The following CPNE5 variants were observed in gnomAD, a reference collection of about 807,000 sequenced individuals.
CPNE5 encodes copine-5.
Under a neutral mutation model 81.1 loss-of-function variants are expected in CPNE5, and 42 were observed. The ratio of observed to expected loss-of-function variants is 0.52; its 90% confidence interval spans 0.40 to 0.67. CPNE5 has a LOEUF of 0.67. Ranked by LOEUF, CPNE5 falls within the 30% of genes least tolerant of loss-of-function variation. The pLI is 0.00. For missense variants in CPNE5, 612 were observed against 815.5 expected, an observed-to-expected ratio of 0.75 and a Z score of 3.04; for synonymous variants, 313 against 321.5, an observed-to-expected ratio of 0.97 and a Z score of 0.28.
intron 1 of CPNE5, among the ~76,000 whole-genome samples, chr6:36,825,048 GC>G (rs1260921721): frequency 1.3e-5 from 2 of 152,154 alleles, no homozygotes; most frequent in Non-Finnish European, 2.9e-5. Context: ...CCAGGGAGAG[GC>G]AAAGGGCGAC....
intron 3 of CPNE5, among the ~76,000 whole-genome samples, chr6:36,804,866 G>A (rs968523702): frequency 1.3e-5 from 2 of 152,184 alleles, no homozygotes; most frequent in African/African-American, 4.8e-5. Flanking sequence ...CAGGAAAGGG[G>A]GCACATGAGC....
At position 36,823,344 on chromosome 6, in the gene CPNE5, C is replaced by T. The variant is rs575971738; in HGVS notation, c.96-246G>A. ...ACCCCTATCATCACCACAAGCACTC[C>T]GGGTAGGTGCCCTGGTCTTGGTGCC... On this transcript the variant is annotated intron_variant, in intron 1 of 20. Coordinates refer to ENST00000244751, the MANE Select transcript of CPNE5 (RefSeq NM_020939.2). Among the ~76,000 whole-genome samples the T allele has an allele frequency of 3.5e-4, 54 of 152,300 alleles. No homozygotes were observed. In the South Asian group the frequency reaches 3.7e-3, roughly 11 times the overall value.
At chr6:36,776,393 G>A (rs1767504278) in intron 9 of CPNE5, among the ~76,000 whole-genome samples, 1 of 152,220 alleles carries the variant, frequency 6.6e-6, no homozygotes. Context: ...GGAGTGTGGA[G>A]ATGCATGTGG....
upstream of CPNE5, chr6:36,839,754 T>A (rs1773855260): frequency 5.3e-6 from 1 of 187,296 alleles, no homozygotes; most frequent in African/African-American, 2.5e-5. The surrounding 1 kb of genome is among the most constrained non-coding windows in gnomAD (Gnocchi z 7.3). Context: ...GACGCGCGTC[T>A]GTGGGCAGAG....
At chr6:36,822,965 G>T in intron 2 of CPNE5, 93 bp downstream of exon 2, 1 of 1,071,950 alleles carries the variant, frequency 9.3e-7, no homozygotes, top group South Asian at 2.1e-5. Flanking sequence ...CTGGCACATG[G>T]TTAGTGCTCA....
chr6:36,790,090 CAG>C (rs1435737900), intron 8 of CPNE5, among the ~76,000 whole-genome samples: 1 of 152,190 alleles, frequency 6.6e-6, no homozygotes, highest in Non-Finnish European at 1.5e-5. Flanking sequence ...CTCTTCTACT[CAG>C]TGGCTGTGTG....
chr6:36,756,818 C>A (rs1224329141), intron 12 of CPNE5, among the ~76,000 whole-genome samples: 1 of 152,188 alleles, frequency 6.6e-6, no homozygotes, highest in Non-Finnish European at 1.5e-5. Context: ...TTTAGCTATT[C>A]TTTGAGTGTA....
chr6:36,804,536 T>TA (rs1365553063), intron 3 of CPNE5, among the ~76,000 whole-genome samples: 1 of 152,218 alleles, frequency 6.6e-6, no homozygotes, highest in East Asian at 1.9e-4. Flanking sequence ...GGAAGGGACT[T>TA]ACTTCCTTTC....
chr6:36,812,608 T>C (rs557460457), intron 3 of CPNE5, among the ~76,000 whole-genome samples: 6 of 152,316 alleles, frequency 3.9e-5, no homozygotes, highest in African/African-American at 9.6e-5. Context: ...AGCACCTCAC[T>C]GTGTCAAAGC....
At chr6:36,772,660 T>C (rs1428260528) in intron 10 of CPNE5, among the ~76,000 whole-genome samples, 1 of 152,190 alleles carries the variant, frequency 6.6e-6, no homozygotes, top group Non-Finnish European at 1.5e-5. Flanking sequence ...GTGGCTCTTC[T>C]GTCCCAGCCA....
chr6:36,826,680 G>C (rs2150600975), intron 1 of CPNE5, among the ~76,000 whole-genome samples: 1 of 152,306 alleles, frequency 6.6e-6, no homozygotes, highest in South Asian at 2.1e-4. Context: ...TAGTGGCCTG[G>C]CAAGCTGGAT....
intron 11 of CPNE5, among the ~76,000 whole-genome samples, chr6:36,764,754 A>G (rs1415223495): frequency 1.3e-5 from 2 of 151,866 alleles, no homozygotes; most frequent in African/African-American, 4.8e-5. Context: ...CCATGAGTCC[A>G]CTCACGCCTC....
chr6:36,778,958 C>T lies in CPNE5; in HGVS notation c.529-1G>A. On this transcript the variant is annotated splice_acceptor_variant, in intron 8 of 20. Transcript: ENST00000244751. LOFTEE classifies it high-confidence loss of function. ...CACAGAACTGCATGGTGGCGACATC[C>T]TGGTGGGAGGGAGGGAGAACGGGGT... 6.3e-7 allele frequency: 1 copy of T among 1,587,774 alleles called. No homozygotes were observed. Among genetic ancestry groups the T allele is most frequent in the Non-Finnish European group, 8.6e-7 (1 of 1,157,592 alleles).
chr6:36,836,158 A>C (rs940655609), intron 1 of CPNE5, among the ~76,000 whole-genome samples: 3 of 152,206 alleles, frequency 2.0e-5, no homozygotes, highest in Non-Finnish European at 2.9e-5. Context: ...AGTCAGTAAA[A>C]ATAATTGTTT....
Position 36,744,342 on chromosome 6 carries a change from G to T in CPNE5, c.1432-17C>A. On this transcript the variant is annotated splice_polypyrimidine_tract_variant and intron_variant, in intron 18 of 20. Coordinates refer to ENST00000244751, the MANE Select transcript of CPNE5 (RefSeq NM_020939.2). ...CTTGGCAGCCTGGGAGACAGCATGGGGGGCAGGGAAAGGTTGGACCCAATT... is the reference window on the plus strand; with the variant it reads ...CTTGGCAGCCTGGGAGACAGCATGGTGGGCAGGGAAAGGTTGGACCCAATT... 6.3e-7 allele frequency: 1 copy of T among 1,575,020 alleles called. No homozygotes were observed. The highest frequency in any genetic ancestry group is 8.6e-7 in the Non-Finnish European group (1 of 1,159,842).
At chr6:36,757,393 G>A in intron 12 of CPNE5, 1 of 984,448 alleles carries the variant, frequency 1.0e-6, no homozygotes, top group Non-Finnish European at 1.2e-6. Context: ...GTCTGGGTGA[G>A]TATTGCTATC....
chr6:36,787,995 C>T (rs1358356022), intron 8 of CPNE5, among the ~76,000 whole-genome samples: 1 of 151,574 alleles, frequency 6.6e-6, no homozygotes, highest in Non-Finnish European at 1.5e-5. Context: ...GGGCAAAGAG[C>T]TATCCAACCC....
intron 10 of CPNE5, among the ~76,000 whole-genome samples, chr6:36,770,021 G>C (rs1394762838): frequency 6.6e-6 from 1 of 152,212 alleles, no homozygotes. Flanking sequence ...GTTTAACAGG[G>C]ACAAATCCTC....
chr6:36,799,035 C>T (rs781120789), intron 4 of CPNE5, among the ~76,000 whole-genome samples: 1 of 152,184 alleles, frequency 6.6e-6, no homozygotes, highest in Non-Finnish European at 1.5e-5. Context: ...CTGCAGGCAG[C>T]GTGATGCTAC....
Sources: allele counts gnomAD v4.1 joint callset (sites outside exome capture counted in the v4.1 genomes callset), GRCh38; gene constraint gnomAD v4.1.1; non-coding constraint Gnocchi (gnomAD v3.1); transcripts MANE v1.5; gene names NCBI Gene and HGNC (gene_info 2026-07-23, HGNC 2026-07-21).